FRAS1: variants seen among roughly 807,000 people sequenced by gnomAD.
The protein encoded by FRAS1 is extracellular matrix organizing protein FRAS1.
Under a neutral mutation model 435.2 loss-of-function variants are expected in FRAS1, and 290 were observed. The ratio of observed to expected loss-of-function variants is 0.67; its 90% confidence interval spans 0.61 to 0.73. The LOEUF is 0.73. Among genes scored for constraint, FRAS1 ranks in the 30% least tolerant of loss-of-function variants. The pLI is 0.00. For synonymous variants in FRAS1, 1,800 were observed against 1,851.0 expected, an observed-to-expected ratio of 0.97 and a Z score of 0.71; for missense variants, 4,860 against 5,001.5, an observed-to-expected ratio of 0.97 and a Z score of 0.85.
At chr4:78,289,230 A>T (rs945752624) in intron 14 of FRAS1, among the ~76,000 whole-genome samples, 1 of 152,032 alleles carries the variant, frequency 6.6e-6, no homozygotes, top group Non-Finnish European at 1.5e-5. Flanking sequence ...TCTTACCCAT[A>T]GGGGCCCTTA....
intron 20 of FRAS1, among the ~76,000 whole-genome samples, chr4:78,344,508 G>A (rs370206427): frequency 2.1e-4 from 24 of 113,638 alleles, no homozygotes; most frequent in African/African-American, 9.0e-4. Context: ...AGTCTGGAAT[G>A]TGATTCCAGA....
chr4:78,536,718 A>G (rs1410340063), intron 71 of FRAS1, among the ~76,000 whole-genome samples: 1 of 152,246 alleles, frequency 6.6e-6, no homozygotes, highest in Admixed American at 6.5e-5. Context: ...TGTGCATAAC[A>G]GAATACTTTG....
chr4:78,380,912 T>C (rs1281548739), intron 27 of FRAS1, among the ~76,000 whole-genome samples: 2 of 152,184 alleles, frequency 1.3e-5, no homozygotes, highest in Non-Finnish European at 2.9e-5. Context: ...GATCATATTA[T>C]AGGAATAAGA....
Position 78,482,511 on chromosome 4 carries a change from G to A in FRAS1, c.8728G>A (p.Ala2910Thr), listed in dbSNP as rs755595145. ...GACCAAACCCTTCCAGGCAGTCATT[G>A]CAATTAATGACACATTCCAAGATGG... ...ELTKPFQAVI[A>T]INDTFQDVPS... The change falls in exon 58 of 74, where the codon GCA becomes ACA. Residue 2910 changes from alanine to threonine, a missense_variant. Physicochemically the swap from Ala to Thr is moderately conservative, Grantham distance 58. Coordinates refer to ENST00000512123, the MANE Select transcript of FRAS1 (RefSeq NM_025074.7). The A allele has an allele frequency of 6.2e-7, 1 of 1,613,812 alleles. No homozygotes were observed. Among genetic ancestry groups the A allele is most frequent in the Non-Finnish European group, 8.5e-7 (1 of 1,179,792 alleles).
chr4:78,123,551 C>A (rs1017897142), intron 2 of FRAS1, among the ~76,000 whole-genome samples: 1 of 152,068 alleles, frequency 6.6e-6, no homozygotes, highest in Non-Finnish European at 1.5e-5. Context: ...GCATTGAATA[C>A]ATAAATTATT....
chr4:78,278,519 A>C, intron 9 of FRAS1, 136 bp from the exon 10 acceptor site: 3 of 621,892 alleles, frequency 4.8e-6, no homozygotes, highest in Non-Finnish European at 8.7e-6. Flanking sequence ...GGGGGAGATG[A>C]AACAGGCAGA....
chr4:78,127,141 G>T (rs1719405821), intron 2 of FRAS1, among the ~76,000 whole-genome samples: 1 of 141,496 alleles, frequency 7.1e-6, no homozygotes, highest in Admixed American at 7.4e-5. Flanking sequence ...AATTATTAAA[G>T]ACAATGGGTA....
intron 26 of FRAS1, 110 bp downstream of exon 26, chr4:78,375,989 A>G: frequency 2.3e-6 from 3 of 1,298,306 alleles, no homozygotes; most frequent in Non-Finnish European, 3.3e-6. Context: ...AGCATTCCCA[A>G]TTTGGGAAAA....
chr4:78,065,880 TG>T, intron 1 of FRAS1, 104 bp from the exon 2 acceptor site: 1 of 793,124 alleles, frequency 1.3e-6, no homozygotes, highest in Non-Finnish European at 2.1e-6. Context: ...CTCATTTTCC[TG>T]GTTATGATGC....
At chr4:78,154,328 T>C (rs1226686089) in intron 2 of FRAS1, among the ~76,000 whole-genome samples, 1 of 152,218 alleles carries the variant, frequency 6.6e-6, no homozygotes, top group Non-Finnish European at 1.5e-5. Flanking sequence ...TTGTATTGCC[T>C]CTGTGTAGAA....
chr4:78,484,477 C>T (rs1720109426), intron 58 of FRAS1, among the ~76,000 whole-genome samples: 1 of 152,090 alleles, frequency 6.6e-6, no homozygotes, highest in Non-Finnish European at 1.5e-5. Flanking sequence ...TTGAAGCAGC[C>T]TCATTTATCA....
chr4:78,251,946 G>A (rs985727097), intron 4 of FRAS1, among the ~76,000 whole-genome samples: 13 of 151,684 alleles, frequency 8.6e-5, no homozygotes, highest in Non-Finnish European at 1.3e-4. Context: ...AGACAGAAAG[G>A]GGGGAGTGGA....
intron 73 of FRAS1, 56 bp downstream of exon 73, chr4:78,539,496 A>T: frequency 2.2e-6 from 2 of 911,046 alleles, no homozygotes; most frequent in Admixed American, 3.4e-5. Context: ...AAAGCTTGAA[A>T]AAAAAAAAAA....
At chr4:78,217,361 A>T (rs796732673) in intron 2 of FRAS1, among the ~76,000 whole-genome samples, 18 of 152,218 alleles carry the variant, frequency 1.2e-4, no homozygotes, top group African/African-American at 4.1e-4. Context: ...TTGACACATA[A>T]AATTAACCAT....
At chr4:78,258,623 C>CT (rs71216203) in intron 6 of FRAS1, among the ~76,000 whole-genome samples, 116,623 of 131,788 alleles carry the variant, frequency 0.88, 53,139 homozygotes, top group Non-Finnish European at 0.99. Flanking sequence ...TGTTTCTTTT[C>CT]TTTTTTTTTT....
chr4:78,464,538 G>T lies in FRAS1; in HGVS notation c.6984G>T (p.Lys2328Asn). The change falls in exon 49 of 74, where the codon AAG (lysine) becomes AAT (asparagine). Residue 2328 changes from lysine (K) to asparagine (N), a missense_variant. Coordinates refer to ENST00000512123, the MANE Select transcript of FRAS1 (RefSeq NM_025074.7). ...TGCGGGTGCAGGAGGGCATGAGGAA[G>T]ACCATCACAGAGTTTGAGCTTAAGG... is the stretch of plus-strand genomic sequence containing the variant. ...LGMRVQEGMR[K>N]TITEFELKAV... The T allele has an allele frequency of 1.2e-6, 2 of 1,613,968 alleles. No individual in the cohort carries two copies. Among genetic ancestry groups the T allele is most frequent in the South Asian group, 1.1e-5 (1 of 91,082 alleles).
At chr4:78,320,033 A>C (rs1195986340) in intron 18 of FRAS1, among the ~76,000 whole-genome samples, 1 of 152,232 alleles carries the variant, frequency 6.6e-6, no homozygotes, top group Non-Finnish European at 1.5e-5. Flanking sequence ...CCGGTAAATT[A>C]TAAAGCCCTC....
In FRAS1 at chr4:78,379,968, C is replaced by T. The variant is rs775606687; in HGVS notation, c.3535C>T (p.Arg1179Cys). 11 of 1,613,288 alleles carry T rather than the reference C, an allele frequency of 6.8e-6. No homozygotes were observed. Among genetic ancestry groups the T allele is most frequent in the South Asian group, 1.1e-5 (1 of 90,924 alleles). The change falls in exon 27 of 74, where the codon CGT (arginine) becomes TGT (cysteine). Residue 1179 changes from arginine to cysteine, a missense_variant. Coordinates refer to ENST00000512123, the MANE Select transcript of FRAS1 (RefSeq NM_025074.7). ...GAAAGATGTGAACGAGAAGAAAGTG[C>T]GTTTTGTGCACAGCAAAGAAAAACT... ...SWKDVNEKKV[R>C]FVHSKEKLRK...
At position 78,424,412 on chromosome 4, in the gene FRAS1, A is replaced by G; in HGVS notation, c.4703A>G (p.His1568Arg). The G allele has an allele frequency of 6.9e-7, 1 of 1,456,790 alleles. No individual in the cohort carries two copies. The highest frequency in any genetic ancestry group is 2.6e-5 in the East Asian group (1 of 37,804). 90.2% of individuals were successfully genotyped at this position (1,456,790 alleles called of 1,614,324 possible). A position where few individuals can be genotyped will look rare whatever the true frequency, so the allele number is the denominator to read the frequency against. The change falls in exon 35 of 74, where the codon CAC (histidine) becomes CGC (arginine). Residue 1568 changes from histidine to arginine, a missense_variant. His to Arg is a conservative substitution (Grantham distance 29). Transcript: ENST00000512123. ...GGTCTCCCAGAATCAGTGAAATTCC[A>G]CTTCACAGGTAAAGATTCATCTAAA... ...FAGLPESVKF[H>R]FTVSDGEHTS...
Sources: gnomAD v4.1 joint callset for allele counts (sites outside exome capture counted in the v4.1 genomes callset) on GRCh38, gnomAD v4.1.1 for gene constraint, MANE v1.5 for transcripts, NCBI Gene and HGNC (gene_info 2026-07-23, HGNC 2026-07-21) for gene names.